Variants in CTNNA2 observed in about 807,000 individuals in gnomAD.
CTNNA2 encodes the protein catenin alpha-2.
In CTNNA2, 42 loss-of-function variants were observed where a neutral mutation model predicts 101.0. That is an observed-to-expected ratio of 0.42 (90% confidence interval 0.32 to 0.54). CTNNA2 has a LOEUF of 0.54. Ranked by LOEUF, CTNNA2 falls within the 20% of genes least tolerant of loss-of-function variation. The pLI, the probability that CTNNA2 is intolerant of heterozygous loss-of-function variation, is 0.14. For synonymous variants in CTNNA2, 450 were observed against 456.4 expected, an observed-to-expected ratio of 0.99 and a Z score of 0.18; for missense variants, 871 against 1,223.1, an observed-to-expected ratio of 0.71 and a Z score of 4.29.
chr2:79,328,599 G>C (rs1217863652), intron 3 of CTNNA2, among the ~76,000 whole-genome samples: 1 of 152,156 alleles, frequency 6.6e-6, no homozygotes, highest in Non-Finnish European at 1.5e-5. Flanking sequence ...TCATGATGAT[G>C]ATGAGGATGA....
At chr2:80,431,698 T>A (rs1681531509) in intron 9 of CTNNA2, among the ~76,000 whole-genome samples, 1 of 152,186 alleles carries the variant, frequency 6.6e-6, no homozygotes, top group Non-Finnish European at 1.5e-5. Context: ...TGTACTCCCA[T>A]AACTTAGGTC....
chr2:79,919,150 G>T (rs1264302900), intron 7 of CTNNA2, among the ~76,000 whole-genome samples: 1 of 152,160 alleles, frequency 6.6e-6, no homozygotes, highest in East Asian at 1.9e-4. Context: ...AAACATGGTA[G>T]CTGAGAGTGT....
chr2:80,462,712 A>C (rs951635918), intron 9 of CTNNA2, among the ~76,000 whole-genome samples: 1 of 137,444 alleles, frequency 7.3e-6, no homozygotes, highest in African/African-American at 2.8e-5. Flanking sequence ...ATTAATCTTG[A>C]GAGCAGCATT....
At chr2:80,427,463 G>A (rs1172379351) in intron 9 of CTNNA2, among the ~76,000 whole-genome samples, 1 of 152,200 alleles carries the variant, frequency 6.6e-6, no homozygotes, top group Non-Finnish European at 1.5e-5. Flanking sequence ...TGCCTGACAA[G>A]CATGCTTTGG....
At chr2:79,848,435 T>C (rs1214184169) in intron 3 of CTNNA2, among the ~76,000 whole-genome samples, 2 of 152,196 alleles carry the variant, frequency 1.3e-5, no homozygotes, top group African/African-American at 2.4e-5. Flanking sequence ...AATGTGGCTA[T>C]TGCTACATTT....
intron 4 of CTNNA2, among the ~76,000 whole-genome samples, chr2:79,432,068 A>G (rs1332333765): frequency 6.6e-6 from 1 of 152,190 alleles, no homozygotes; most frequent in African/African-American, 2.4e-5. Flanking sequence ...TCCTGATGCC[A>G]TATTTTCATG....
In CTNNA2 at chr2:79,894,035, CTTCTTCTTCTTCTTCTTCTTCTTCTTCT is replaced by C. The variant is rs1558619483; in HGVS notation, c.853-15557_853-15530del. Reference sequence around the variant, plus strand: ...TCTTCTTCTTCTTCTTCTTCTTCTTCTTCTTCTTCTTCTTCTTCTTCTTCTTCTTCCTCCTCCTCCTCCTCCTTCTTCT... The same window carrying C: ...TCTTCTTCTTCTTCTTCTTCTTCTTCTCCTCCTCCTCCTCCTCCTTCTTCT... On this transcript the variant is annotated intron_variant, in intron 6 of 18. Coordinates refer to ENST00000402739, the MANE Select transcript of CTNNA2 (RefSeq NM_001282597.3). Among the ~76,000 whole-genome samples the C allele has an allele frequency of 1.7e-3, 254 of 146,720 alleles. 3 individuals are homozygous for C. The highest frequency in any genetic ancestry group is 9.1e-3 in the South Asian group (40 of 4,394).
chr2:80,119,768 G>A (rs1254954183), intron 7 of CTNNA2, among the ~76,000 whole-genome samples: 1 of 152,218 alleles, frequency 6.6e-6, no homozygotes, highest in East Asian at 1.9e-4. Flanking sequence ...ATGCTGTAAG[G>A]GGAGGAGAGA....
chr2:79,568,108 A>C (rs1396655166), intron 1 of CTNNA2, among the ~76,000 whole-genome samples: 1 of 152,120 alleles, frequency 6.6e-6, no homozygotes, highest in Non-Finnish European at 1.5e-5. Flanking sequence ...AATGTCTCCA[A>C]AGTCATGTTT....
chr2:80,016,571 G>C (rs376205673), intron 7 of CTNNA2, among the ~76,000 whole-genome samples: 1 of 152,126 alleles, frequency 6.6e-6, no homozygotes, highest in East Asian at 1.9e-4. Context: ...CTGACCATGA[G>C]GAATAAATAC....
At chr2:79,201,037 A>G (rs1674027443) in intron 2 of CTNNA2, among the ~76,000 whole-genome samples, 1 of 152,140 alleles carries the variant, frequency 6.6e-6, no homozygotes, top group African/African-American at 2.4e-5. Context: ...TAGCAAAAAG[A>G]TGGCCTTGTT....
intron 4 of CTNNA2, among the ~76,000 whole-genome samples, chr2:79,466,195 C>T (rs387337): frequency 0.37 from 56,618 of 152,068 alleles, 10,856 homozygotes; most frequent in East Asian, 0.54. Context: ...CCTAATACTG[C>T]GCTTTTCCAA....
intron 1 of CTNNA2, among the ~76,000 whole-genome samples, chr2:79,614,789 A>G (rs900869652): frequency 3.9e-5 from 6 of 152,200 alleles, no homozygotes; most frequent in Admixed American, 1.3e-4. Context: ...AGCATGGTTG[A>G]TTGAAATGTA....
chr2:80,099,099 A>G (rs1045547331), intron 7 of CTNNA2, among the ~76,000 whole-genome samples: 2 of 151,802 alleles, frequency 1.3e-5, no homozygotes, highest in African/African-American at 4.8e-5. Flanking sequence ...TGCGTGGCTC[A>G]TGCTGGGAGC....
intron 7 of CTNNA2, among the ~76,000 whole-genome samples, chr2:80,103,378 A>T (rs1161474748): frequency 1.3e-5 from 2 of 152,176 alleles, no homozygotes; most frequent in Admixed American, 6.5e-5. Context: ...TTAGAAGGAC[A>T]CGAGTCCTAC....
chr2:79,737,619 A>G (rs745610408), intron 2 of CTNNA2, among the ~76,000 whole-genome samples: 2 of 152,142 alleles, frequency 1.3e-5, no homozygotes, highest in Non-Finnish European at 2.9e-5. Context: ...TTATATTTTA[A>G]TGTGCATATG....
chr2:79,261,899 T>C (rs1483799651), intron 2 of CTNNA2, among the ~76,000 whole-genome samples: 3 of 152,202 alleles, frequency 2.0e-5, no homozygotes, highest in Non-Finnish European at 4.4e-5. Flanking sequence ...CTGCCTCTGG[T>C]AGAAGACAAG....
At chr2:79,958,022 T>C (rs946699242) in intron 7 of CTNNA2, among the ~76,000 whole-genome samples, 1 of 152,204 alleles carries the variant, frequency 6.6e-6, no homozygotes, top group African/African-American at 2.4e-5. Flanking sequence ...CTTCAAATAT[T>C]ATTCACATGA....
intron 7 of CTNNA2, among the ~76,000 whole-genome samples, chr2:79,992,056 C>A (rs575927581): frequency 1.3e-5 from 2 of 152,058 alleles, no homozygotes; most frequent in African/African-American, 4.8e-5. Context: ...CTTTGTCAAA[C>A]AAGAAATATC....
Sources: gnomAD v4.1 joint callset for allele counts (sites outside exome capture counted in the v4.1 genomes callset) on GRCh38, gnomAD v4.1.1 for gene constraint, MANE v1.5 for transcripts, NCBI Gene and HGNC (gene_info 2026-07-23, HGNC 2026-07-21) for gene names.